RPRD1B: variants seen among roughly 807,000 people sequenced by gnomAD.
The protein encoded by RPRD1B is regulation of nuclear pre-mRNA domain-containing protein 1B.
Under a neutral mutation model 41.5 loss-of-function variants are expected in RPRD1B, and 11 were observed. That is an observed-to-expected ratio of 0.27 (90% CI 0.17 to 0.44). The LOEUF is 0.44. RPRD1B is among the 20% of genes least tolerant of loss of function. The probability of loss-of-function intolerance (pLI) is 1.00; values close to 1 mark genes in which losing one functional copy is unlikely to be tolerated. For missense variants in RPRD1B, 248 were observed against 389.9 expected (o/e 0.64, Z 3.06); for synonymous variants, 158 against 155.6 (o/e 1.02, Z -0.12).
chr20:38,090,276 G>A lies in RPRD1B; in HGVS notation c.*401G>A. On this transcript the variant is annotated 3_prime_UTR_variant, in exon 7 of 7. Transcript: ENST00000373433. ...AAGCAGCTTCTCCTTTCTGGGCTGGGCTTGTTCAAGTTCGGTGTGGGCTTC... is the reference window on the plus strand; with the variant it reads ...AAGCAGCTTCTCCTTTCTGGGCTGGACTTGTTCAAGTTCGGTGTGGGCTTC... 3 of 989,194 alleles carry A rather than the reference G, an allele frequency of 3.0e-6. No homozygotes were observed. The highest frequency in any genetic ancestry group is 9.3e-5 in the South Asian group (2 of 21,494). 61.3% of individuals were successfully genotyped at this position (989,194 alleles called of 1,614,324 possible).
chr20:38,049,349 T>C lies in RPRD1B; in HGVS notation c.415+868T>C, dbSNP rs139491003. ...TAATAAGAGCTTATATTATTTTTTC[T>C]TTTTTCTTTCTTTTTTTCTTTTTTT... On this transcript the variant is annotated intron_variant, in intron 3 of 6. Coordinates refer to ENST00000373433, the MANE Select transcript of RPRD1B (RefSeq NM_021215.4). 6.9e-3 allele frequency among the ~76,000 whole-genome samples: 1,038 copies of C among 150,308 alleles called. 5 individuals carry two copies. The highest frequency in any genetic ancestry group is 0.02 in the African/African-American group (826 of 40,930).
rs143946838 is a variant in RPRD1B at position 38,048,551 on chromosome 20, A to G, written c.415+70A>G. 500 of 1,541,162 alleles carry G rather than the reference A, an allele frequency of 3.2e-4. 8 individuals are homozygous for G. The East Asian group carries it at 0.011, about 34-fold the overall frequency. ...TTTCGAATCAAATATGAAAAGCTGC[A>G]GTGGGGTTTGCTGTGAACCACCAGC... On this transcript the variant is annotated intron_variant, in intron 3 of 6. Coordinates refer to ENST00000373433, the MANE Select transcript of RPRD1B (RefSeq NM_021215.4).
chr20:38,056,314 C>T (rs933934281), intron 3 of RPRD1B, among the ~76,000 whole-genome samples: 1 of 152,050 alleles, frequency 6.6e-6, no homozygotes, highest in African/African-American at 2.4e-5. Flanking sequence ...TTGCTGGAAC[C>T]CAGGAGGCGG....
intron 3 of RPRD1B, among the ~76,000 whole-genome samples, chr20:38,050,994 A>G (rs1449197254): frequency 1.3e-5 from 2 of 152,164 alleles, no homozygotes; most frequent in Non-Finnish European, 2.9e-5. Flanking sequence ...TAGTCCTTTT[A>G]TATTCCAGCT....
intron 6 of RPRD1B, among the ~76,000 whole-genome samples, chr20:38,082,709 T>C (rs1314521231): frequency 6.6e-6 from 1 of 152,212 alleles, no homozygotes; most frequent in African/African-American, 2.4e-5. Context: ...TTCTGACTTC[T>C]GCCACAGCCA....
rs1056224250 is a variant in RPRD1B, at chr20:38,066,067, T to G, written c.656-14T>G. 20 of 1,609,132 alleles carry G rather than the reference T, an allele frequency of 1.2e-5. No individual in the cohort carries two copies. Among genetic ancestry groups the G allele is most frequent in the Non-Finnish European group, 1.7e-5 (20 of 1,176,690 alleles). On this transcript the variant is annotated splice_polypyrimidine_tract_variant and intron_variant, in intron 5 of 6. Transcript: ENST00000373433. ...TGTATATTTTCTCTATTTTTTGGTC[T>G]CATTTGTACTTAGACAAAGAGGCAG...
intron 5 of RPRD1B, chr20:38,065,798 G>T: frequency 3.6e-6 from 1 of 274,268 alleles, no homozygotes; most frequent in Non-Finnish European, 6.8e-6. Flanking sequence ...TGCTTGTTTT[G>T]TCAGGAGAGC....
intron 4 of RPRD1B, among the ~76,000 whole-genome samples, chr20:38,058,096 T>C (rs1261848844): frequency 6.6e-6 from 1 of 151,962 alleles, no homozygotes; most frequent in Middle Eastern, 3.2e-3. Context: ...GGAGTTAGTC[T>C]TTACCCATGT....
chr20:38,075,180 A>G (rs532144164), intron 6 of RPRD1B, among the ~76,000 whole-genome samples: 6 of 152,340 alleles, frequency 3.9e-5, no homozygotes, highest in Admixed American at 2.6e-4. Context: ...ACTGAAGGTC[A>G]TATACATTTC....
intron 6 of RPRD1B, among the ~76,000 whole-genome samples, chr20:38,088,787 C>T (rs1050587487): frequency 3.3e-5 from 5 of 152,210 alleles, no homozygotes; most frequent in African/African-American, 1.2e-4. Context: ...CTCAGGTACA[C>T]ACCCTGTGTG....
intron 2 of RPRD1B, among the ~76,000 whole-genome samples, chr20:38,040,817 T>C (rs2122693585): frequency 6.6e-6 from 1 of 152,374 alleles, no homozygotes; most frequent in East Asian, 1.9e-4. Context: ...TTTTTGAATT[T>C]ATTTCTTGGT....
Position 38,090,554 on chromosome 20 carries a change from A to G in RPRD1B, c.*679A>G. Reference sequence around the variant, plus strand: ...TCAGAGACAGAATAACAGGGATCACAAGCATGAATTAAAAGGAATTTATTT... The same window carrying G: ...TCAGAGACAGAATAACAGGGATCACGAGCATGAATTAAAAGGAATTTATTT... On this transcript the variant is annotated 3_prime_UTR_variant, in exon 7 of 7. Transcript: ENST00000373433. The G allele has an allele frequency of 1.0e-6, 1 of 985,886 alleles. No individual in the cohort carries two copies. Among genetic ancestry groups the G allele is most frequent in the African/African-American group, 1.7e-5 (1 of 57,374 alleles). The allele number at this position is 985,886 out of a possible 1,614,324, so 61.1% of individuals were successfully genotyped here.
intron 3 of RPRD1B, among the ~76,000 whole-genome samples, chr20:38,054,023 G>A (rs2122716279): frequency 6.6e-6 from 1 of 152,170 alleles, no homozygotes; most frequent in African/African-American, 2.4e-5. Context: ...AGCAACTAGA[G>A]GCGGGGAGAC....
At position 38,090,885 on chromosome 20, in the gene RPRD1B, G is replaced by T; in HGVS notation, c.*1010G>T. 1.0e-6 allele frequency: 1 copy of T among 985,422 alleles called. No individual in the cohort carries two copies. The highest frequency in any genetic ancestry group is 1.2e-6 in the Non-Finnish European group (1 of 829,950). The allele number at this position is 985,422 out of a possible 1,614,324, so 61.0% of individuals were successfully genotyped here. A position where few individuals can be genotyped will look rare whatever the true frequency, so the allele number is the denominator to read the frequency against. On this transcript the variant is annotated 3_prime_UTR_variant, in exon 7 of 7. Coordinates refer to ENST00000373433, the MANE Select transcript of RPRD1B (RefSeq NM_021215.4). ...TCACTGCAAATAGGACGCTGAGCAG[G>T]TCCGTCTGTCATGTCACGCCACTGC... is the stretch of plus-strand genomic sequence containing the variant.
At chr20:38,035,799 C>T (rs1317202769) in intron 1 of RPRD1B, among the ~76,000 whole-genome samples, 2 of 150,318 alleles carry the variant, frequency 1.3e-5, no homozygotes, top group East Asian at 3.9e-4. Flanking sequence ...GGGTCTCGCT[C>T]TGTCACCCAG....
intron 1 of RPRD1B, among the ~76,000 whole-genome samples, chr20:38,038,138 A>G (rs1454317028): frequency 6.6e-6 from 1 of 152,220 alleles, no homozygotes; most frequent in African/African-American, 2.4e-5. Flanking sequence ...CCAGGTTCCT[A>G]GTATTCTTAT....
intron 6 of RPRD1B, among the ~76,000 whole-genome samples, chr20:38,073,338 A>G (rs771046376): frequency 6.6e-6 from 1 of 152,192 alleles, no homozygotes; most frequent in East Asian, 1.9e-4. Context: ...AAATTGGCTC[A>G]TGAACTTAAA....
intron 2 of RPRD1B, among the ~76,000 whole-genome samples, chr20:38,044,321 G>A (rs1031562424): frequency 4.0e-5 from 6 of 151,508 alleles, no homozygotes; most frequent in Admixed American, 6.6e-5. Context: ...GATTGGTCAT[G>A]TAGACACCCT....
rs1568661821 is a variant in RPRD1B at position 38,079,849 on chromosome 20, T to TA, written c.832-9875dup. 2.0e-5 allele frequency among the ~76,000 whole-genome samples: 3 copies of TA among 152,352 alleles called. No homozygotes were observed. The South Asian group carries it at 6.2e-4, about 32-fold the overall frequency. ...AATTTACATTCTCACTAGCCCTTTA[T>TA]AAGTGTTCCTTTTTCCCCACAACCT... On this transcript the variant is annotated intron_variant, in intron 6 of 6. Coordinates refer to ENST00000373433, the MANE Select transcript of RPRD1B (RefSeq NM_021215.4).
Sources: allele counts gnomAD v4.1 joint callset (sites outside exome capture counted in the v4.1 genomes callset), GRCh38; gene constraint gnomAD v4.1.1; transcripts MANE v1.5; gene names NCBI Gene and HGNC (gene_info 2026-07-23, HGNC 2026-07-21).